RBFOX1: variants seen among roughly 807,000 people sequenced by gnomAD.
RBFOX1 encodes RNA binding protein fox-1 homolog 1.
A neutral mutation model predicts 57.7 loss-of-function variants in RBFOX1; 8 were observed. The ratio of observed to expected loss-of-function variants is 0.14; its 90% confidence interval spans 0.08 to 0.25. The LOEUF is 0.25. RBFOX1 is among the 10% of genes least tolerant of loss of function. The pLI is 1.00. For missense variants in RBFOX1, 611 were observed against 548.5 expected (o/e 1.11, Z -1.14); for synonymous variants, 326 against 222.4 (o/e 1.47, Z -4.15).
chr16:5,504,836 G>A (rs1197179000), intron 2 of RBFOX1, among the ~76,000 whole-genome samples: 1 of 152,212 alleles, frequency 6.6e-6, no homozygotes, highest in Non-Finnish European at 1.5e-5. Context: ...GCTGGCATGA[G>A]GGCTTGCTGA....
chr16:6,942,667 T>C (rs1210356576), intron 3 of RBFOX1, among the ~76,000 whole-genome samples: 3 of 152,158 alleles, frequency 2.0e-5, no homozygotes, highest in South Asian at 4.1e-4. Flanking sequence ...AAGGATAAGA[T>C]GGTGTCTGAC....
chr16:6,743,572 A>G (rs756576065), intron 3 of RBFOX1, among the ~76,000 whole-genome samples: 1 of 151,790 alleles, frequency 6.6e-6, no homozygotes, highest in Non-Finnish European at 1.5e-5. Flanking sequence ...CAAGACCCCA[A>G]CTGTACAAAA....
intron 2 of RBFOX1, among the ~76,000 whole-genome samples, chr16:5,554,956 C>G (rs1193411683): frequency 2.6e-5 from 4 of 152,208 alleles, no homozygotes; most frequent in Admixed American, 6.5e-5. Context: ...GTTGTATTTC[C>G]ATGGGGCTTG....
At chr16:5,816,957 G>C (rs572465254) in intron 3 of RBFOX1, among the ~76,000 whole-genome samples, 2 of 152,162 alleles carry the variant, frequency 1.3e-5, no homozygotes, top group African/African-American at 4.8e-5. Context: ...TGTTCTCTTT[G>C]TTTTTGGGAT....
At chr16:6,615,303 C>T (rs1175503629) in intron 2 of RBFOX1, among the ~76,000 whole-genome samples, 2 of 152,232 alleles carry the variant, frequency 1.3e-5, no homozygotes, top group East Asian at 1.9e-4. Context: ...ATTTAAGATC[C>T]TCATGCCAGT....
intron 1 of RBFOX1, among the ~76,000 whole-genome samples, chr16:5,291,464 C>T (rs1048855436): frequency 8.6e-5 from 13 of 152,036 alleles, no homozygotes; most frequent in Non-Finnish European, 1.6e-4. Flanking sequence ...GGGGTTTCAC[C>T]CTGTTAGCGA....
chr16:5,979,940 G>A (rs767633344), intron 4 of RBFOX1, among the ~76,000 whole-genome samples: 2 of 152,170 alleles, frequency 1.3e-5, no homozygotes, highest in Admixed American at 6.5e-5. Flanking sequence ...CAGGTAGGAC[G>A]TGGCAGAGCT....
At chr16:5,623,381 C>T (rs1159349595) in intron 3 of RBFOX1, among the ~76,000 whole-genome samples, 1 of 152,150 alleles carries the variant, frequency 6.6e-6, no homozygotes, top group East Asian at 1.9e-4. Context: ...TGATGTACTG[C>T]ACTGAACAAA....
intron 3 of RBFOX1, among the ~76,000 whole-genome samples, chr16:6,901,873 A>G (rs777594602): frequency 2.0e-5 from 3 of 152,228 alleles, no homozygotes; most frequent in East Asian, 3.8e-4. Flanking sequence ...GGAGTTCCCC[A>G]TGTGAGCCTA....
At chr16:7,380,626 C>G (rs553054954) in intron 4 of RBFOX1, among the ~76,000 whole-genome samples, 1 of 152,200 alleles carries the variant, frequency 6.6e-6, no homozygotes, top group Non-Finnish European at 1.5e-5. Flanking sequence ...TCAATTCAGA[C>G]GCTGGCAGCA....
At chr16:7,142,492 C>T (rs1285888082) in intron 4 of RBFOX1, among the ~76,000 whole-genome samples, 7 of 152,172 alleles carry the variant, frequency 4.6e-5, no homozygotes, top group Non-Finnish European at 1.5e-5. Context: ...AAGATTGTGT[C>T]CTACCCCTGA....
chr16:6,713,177 A>C (rs945534383), intron 3 of RBFOX1, among the ~76,000 whole-genome samples: 2 of 152,000 alleles, frequency 1.3e-5, no homozygotes, highest in African/African-American at 2.4e-5. Context: ...GTTCCCTCCC[A>C]GTCTTGCGTA....
intron 3 of RBFOX1, among the ~76,000 whole-genome samples, chr16:6,975,701 A>G (rs58014958): frequency 0.8 from 121,273 of 152,188 alleles, 48,788 homozygotes; most frequent in African/African-American, 0.92. Context: ...TGGAACATCA[A>G]TTTATGATTA....
chr16:6,818,748 G>A (rs1171346067), intron 3 of RBFOX1, among the ~76,000 whole-genome samples: 2 of 152,110 alleles, frequency 1.3e-5, no homozygotes, highest in Non-Finnish European at 2.9e-5. Flanking sequence ...AAAGCCCCAA[G>A]CTTCACAAGG....
At chr16:7,668,786 C>G (rs140818757) in intron 13 of RBFOX1, among the ~76,000 whole-genome samples, 1 of 152,202 alleles carries the variant, frequency 6.6e-6, no homozygotes, top group African/African-American at 2.4e-5. Context: ...TAAATACATT[C>G]ATTTTAATTA....
rs531819302 is a variant in RBFOX1 at position 7,093,732 on chromosome 16, G to A, written c.27+41634G>A. Among the ~76,000 whole-genome samples, 68 of 152,156 alleles carry A rather than the reference G, an allele frequency of 4.5e-4. 2 individuals carry two copies. Among genetic ancestry groups the A allele is most frequent in the Admixed American group, 2.4e-3 (36 of 15,288 alleles). On this transcript the variant is annotated intron_variant, in intron 4 of 15. Coordinates refer to ENST00000550418, the MANE Select transcript of RBFOX1 (RefSeq NM_018723.4). Reference sequence around the variant, plus strand: ...CAGAGGGAGTAATACGCTATTTTCCGCTTGAGCACCCAGAAGCTGTTGATG... The same window carrying A: ...CAGAGGGAGTAATACGCTATTTTCCACTTGAGCACCCAGAAGCTGTTGATG...
rs540556890 is a variant in RBFOX1 at position 5,529,952 on chromosome 16, C to G, written c.258+62698C>G. Among the ~76,000 whole-genome samples the G allele has an allele frequency of 1.2e-4, 18 of 152,246 alleles. No individual in the cohort carries two copies. In the East Asian group the frequency reaches 3.5e-3, roughly 30 times the overall value. On this transcript the variant is annotated intron_variant, in intron 2 of 2. Transcript: ENST00000585867. ...AGTTATGCTGCCACAACTCGAGGAA[C>G]ACCAAGAAACCACAGAACCCAAGGC...
intron 3 of RBFOX1, among the ~76,000 whole-genome samples, chr16:6,986,184 T>TTTTA (rs201088154): frequency 0.039 from 5,635 of 144,146 alleles, 268 homozygotes; most frequent in African/African-American, 0.11. Context: ...CAATTTCTAT[T>TTTTA]TTTATTTATT....
chr16:5,521,272 T>C (rs760203787), intron 2 of RBFOX1, among the ~76,000 whole-genome samples: 1 of 143,408 alleles, frequency 7.0e-6, no homozygotes, highest in Non-Finnish European at 1.5e-5. Context: ...CCCAGTGCTT[T>C]CTCAAGGGAG....
Sources: gnomAD v4.1 joint callset for allele counts (sites outside exome capture counted in the v4.1 genomes callset) on GRCh38, gnomAD v4.1.1 for gene constraint, MANE v1.5 for transcripts, NCBI Gene and HGNC (gene_info 2026-07-23, HGNC 2026-07-21) for gene names.